LAMA3: variants seen among roughly 807,000 people sequenced by gnomAD.
The protein encoded by LAMA3 is laminin subunit alpha-3.
A neutral mutation model predicts 402.0 loss-of-function variants in LAMA3; 281 were observed. The observed-to-expected ratio is 0.70, with a 90% CI of 0.63 to 0.77. LAMA3 has a LOEUF of 0.77. Ranked by LOEUF, LAMA3 falls within the 30% of genes least tolerant of loss-of-function variation. LAMA3 has a pLI of 0.00. For synonymous variants in LAMA3, 1,431 were observed against 1,558.4 expected, an observed-to-expected ratio of 0.92 and a Z score of 1.93; for missense variants, 3,840 against 4,215.5, an observed-to-expected ratio of 0.91 and a Z score of 2.47.
At chr18:23,912,615 G>T in intron 55 of LAMA3, 96 bp from the exon 56 acceptor site, 2 of 983,016 alleles carry the variant, frequency 2.0e-6, no homozygotes, top group South Asian at 1.3e-5. Context: ...ACTCAGGAAA[G>T]GCTGATACAT....
intron 7 of LAMA3, 25 bp from the exon 8 acceptor site, chr18:23,763,380 T>C (rs1266628267): frequency 1.5e-6 from 2 of 1,347,106 alleles, no homozygotes; most frequent in Admixed American, 1.7e-5. Flanking sequence ...AATGAGAATA[T>C]TGACTTATTA....
intron 2 of LAMA3, among the ~76,000 whole-genome samples, chr18:23,736,462 A>G (rs954514228): frequency 1.2e-4 from 18 of 151,708 alleles, no homozygotes; most frequent in African/African-American, 4.4e-4. Flanking sequence ...ATTTTATATA[A>G]TATTGCCTTG....
chr18:23,835,409 A>G (rs1568235324), intron 24 of LAMA3, among the ~76,000 whole-genome samples: 1 of 152,208 alleles, frequency 6.6e-6, no homozygotes, highest in Admixed American at 6.5e-5. Flanking sequence ...CCAAAGAAAG[A>G]AAGGACACCC....
chr18:23,720,886 G>C (rs931020558), intron 2 of LAMA3, among the ~76,000 whole-genome samples: 2 of 152,204 alleles, frequency 1.3e-5, no homozygotes, highest in Non-Finnish European at 2.9e-5. Flanking sequence ...TCTGGGTGCA[G>C]TGTCTCATGT....
intron 5 of LAMA3, among the ~76,000 whole-genome samples, chr18:23,752,623 C>T (rs1294548117): frequency 2.0e-5 from 3 of 152,094 alleles, no homozygotes; most frequent in Non-Finnish European, 2.9e-5. Flanking sequence ...AGCAGGAAAG[C>T]CCCTGAGTGT....
At chr18:23,784,279 T>G in intron 12 of LAMA3, 122 bp downstream of exon 12, 2 of 1,122,896 alleles carry the variant, frequency 1.8e-6, no homozygotes, top group Middle Eastern at 2.7e-4. Context: ...GCCCCTGGCT[T>G]ATATATGGAT....
Position 23,954,613 on chromosome 18 carries a change from G to GTT in LAMA3, c.9967_9968insTT (p.Gly3323ValfsTer6), listed in dbSNP as rs1568387882. 1 of 1,613,918 alleles carries GTT rather than the reference G, an allele frequency of 6.2e-7. No homozygotes were observed. The highest frequency in any genetic ancestry group is 8.5e-7 in the Non-Finnish European group (1 of 1,179,996). On this transcript the variant is annotated frameshift_variant, in exon 75 of 75. Transcript: ENST00000313654. LOFTEE classifies it high-confidence loss of function. Reference sequence around the variant, plus strand: ...TGTCACTGAAGCCTTGGAAGTCCAGGGGCCTGTCAGTCTGAATGGTTGTCC... The same window carrying GTT: ...TGTCACTGAAGCCTTGGAAGTCCAGGTTGGCCTGTCAGTCTGAATGGTTGTCC...
In LAMA3 at chr18:23,842,496, G is replaced by A. The variant is rs752636017; in HGVS notation, c.3438G>A (p.Ser1146=). The A allele has an allele frequency of 2.0e-5, 33 of 1,614,196 alleles. No homozygotes were observed. Among genetic ancestry groups the A allele is most frequent in the Admixed American group, 3.3e-5 (2 of 60,036 alleles). ...AAHPTFPAQV[S]VDGGWPRAGS... is the part of the protein sequence containing the mutation. ...ACCCGACGTTTCCCGCGCAGGTGTC[G>A]GTGGATGGCGGGTGGCCACGGGCAG... Residue 1146 remains serine (S), a synonymous_variant, in exon 28 of 75, where the codon TCG becomes TCA. Coordinates refer to ENST00000313654, the MANE Select transcript of LAMA3 (RefSeq NM_198129.4).
intron 40 of LAMA3, among the ~76,000 whole-genome samples, chr18:23,882,424 G>A (rs931925366): frequency 1.3e-5 from 2 of 152,030 alleles, no homozygotes; most frequent in African/African-American, 4.8e-5. Context: ...GAGGTCAGGA[G>A]TTCGAGACCA....
intron 1 of LAMA3, among the ~76,000 whole-genome samples, chr18:23,698,485 G>A (rs754426410): frequency 1.5e-4 from 23 of 152,132 alleles, no homozygotes; most frequent in Non-Finnish European, 3.1e-4. Flanking sequence ...GATTACAGGC[G>A]TGAGCCACCG....
At chr18:23,850,528 T>C (rs956743306) in intron 32 of LAMA3, among the ~76,000 whole-genome samples, 1 of 152,262 alleles carries the variant, frequency 6.6e-6, no homozygotes, top group Non-Finnish European at 1.5e-5. Flanking sequence ...TCTAACTTCC[T>C]ATCTAAATTT....
chr18:23,822,384 C>T lies in LAMA3; in HGVS notation c.2428+9C>T, dbSNP rs751281552. 24 of 1,612,554 alleles carry T rather than the reference C, an allele frequency of 1.5e-5. No individual in the cohort carries two copies. The Admixed American group carries it at 1.7e-4, about 11-fold the overall frequency. ...TATTTATCCATCCTGGGGTAAGGCA[C>T]GTAGGTAAAATGTCAAGCCTCTTTT... On this transcript the variant is annotated intron_variant, in intron 20 of 74. Coordinates refer to ENST00000313654, the MANE Select transcript of LAMA3 (RefSeq NM_198129.4).
intron 26 of LAMA3, 84 bp downstream of exon 26, chr18:23,838,962 C>A: frequency 1.2e-6 from 1 of 844,824 alleles, no homozygotes; most frequent in East Asian, 2.5e-5. Flanking sequence ...TACTCAACGT[C>A]AGAAATGATC....
At chr18:23,693,555 T>C (rs767876355) in intron 1 of LAMA3, among the ~76,000 whole-genome samples, 110 of 151,442 alleles carry the variant, frequency 7.3e-4, no homozygotes, top group Non-Finnish European at 1.5e-3. Context: ...AAGAGAAACG[T>C]ACAGTGCATT....
chr18:23,815,155 C>G, intron 15 of LAMA3, 33 bp from the exon 16 acceptor site: 1 of 1,601,576 alleles, frequency 6.2e-7, no homozygotes, highest in Non-Finnish European at 8.6e-7. Flanking sequence ...TTTGTGTCTC[C>G]CTTAGTTCAA....
intron 13 of LAMA3, among the ~76,000 whole-genome samples, chr18:23,812,794 T>C (rs551337601): frequency 6.6e-6 from 1 of 152,318 alleles, no homozygotes; most frequent in African/African-American, 2.4e-5. Context: ...ATCTCCTCCT[T>C]CATCATCAAT....
intron 5 of LAMA3, 38 bp downstream of exon 5, chr18:23,751,126 T>C: frequency 6.2e-7 from 1 of 1,611,150 alleles, no homozygotes; most frequent in Non-Finnish European, 8.5e-7. Flanking sequence ...ACTTTATTTA[T>C]TCATTTTTTT....
chr18:23,907,518 T>G (rs745726294), intron 52 of LAMA3, 32 bp from the exon 53 acceptor site: 1 of 1,459,874 alleles, frequency 6.8e-7, no homozygotes, highest in African/African-American at 1.4e-5. Context: ...ATGCACAAAG[T>G]AATTGCCTCC....
chr18:23,952,320 TTGTTG>T (rs2082945175), intron 73 of LAMA3, among the ~76,000 whole-genome samples: 1 of 152,266 alleles, frequency 6.6e-6, no homozygotes, highest in Non-Finnish European at 1.5e-5. Flanking sequence ...TTAAGGCTCA[TTGTTG>T]TGTTATTTTT....
Sources: gnomAD v4.1 joint callset for allele counts (sites outside exome capture counted in the v4.1 genomes callset) on GRCh38, gnomAD v4.1.1 for gene constraint, MANE v1.5 for transcripts, NCBI Gene and HGNC (gene_info 2026-07-23, HGNC 2026-07-21) for gene names.